The following MYH6 variants were observed in gnomAD, a reference collection of about 807,000 sequenced individuals.
MYH6 encodes the protein myosin heavy chain 6, also known as myosin-6.
MYH6 carries 126 observed loss-of-function variants against 223.2 expected under a neutral mutation model. The observed-to-expected ratio is 0.56, with a 90% CI of 0.49 to 0.65. MYH6 has a LOEUF of 0.65. Ranked by LOEUF, MYH6 falls within the 30% of genes least tolerant of loss-of-function variation. The pLI is 0.00. For missense variants in MYH6, 2,040 were observed against 2,536.4 expected, an observed-to-expected ratio of 0.80 and a Z score of 4.20; for synonymous variants, 978 against 1,010.2, an observed-to-expected ratio of 0.97 and a Z score of 0.61.
intron 14 of MYH6, chr14:23,399,909 C>A: frequency 2.7e-6 from 1 of 367,830 alleles, no homozygotes; most frequent in Non-Finnish European, 5.2e-6. Context: ...TCTCAACCAA[C>A]AGGAAGGTGG....
At chr14:23,393,973 G>T in intron 21 of MYH6, 65 bp from the exon 22 acceptor site, 2 of 1,613,830 alleles carry the variant, frequency 1.2e-6, no homozygotes, top group Non-Finnish European at 1.7e-6. Flanking sequence ...CTTAAAAAGA[G>T]CTGGCACTCC....
rs757460903 is a variant in MYH6, at chr14:23,386,598, T to C, written c.4676A>G (p.Lys1559Arg). 1.2e-6 allele frequency: 2 copies of C among 1,611,654 alleles called. No homozygotes were observed. Among genetic ancestry groups the C allele is most frequent in the Non-Finnish European group, 1.7e-6 (2 of 1,178,132 alleles). Residue 1559 changes from lysine to arginine, a missense_variant, in exon 33 of 39, where the codon AAG (lysine) becomes AGG (arginine). Lys to Arg is a conservative substitution (Grantham distance 26). Coordinates refer to ENST00000405093, the MANE Select transcript of MYH6 (RefSeq NM_002471.4). ...GAACTCTAGCTGGGCCCGGAGGATCTTGCCCTCCTCGTGCTCCAGGGAGGC... is the reference window on the plus strand; with the variant it reads ...GAACTCTAGCTGGGCCCGGAGGATCCTGCCCTCCTCGTGCTCCAGGGAGGC... ...AEASLEHEEG[K>R]ILRAQLEFNQ... is the part of the protein sequence containing the mutation.
At chr14:23,406,623 A>C (rs185272820) in intron 3 of MYH6, among the ~76,000 whole-genome samples, 20 of 152,336 alleles carry the variant, frequency 1.3e-4, no homozygotes, top group African/African-American at 4.6e-4. Context: ...TCTGGGTCTA[A>C]GAATTACTCT....
Position 23,392,959 on chromosome 14 carries a change from G to T in MYH6, c.3204C>A (p.Ile1068=). The T allele has an allele frequency of 6.2e-7, 1 of 1,614,180 alleles. No individual in the cohort carries two copies. The highest frequency in any genetic ancestry group is 8.5e-7 in the Non-Finnish European group (1 of 1,180,044). The change falls in exon 24 of 39, where the codon ATC becomes ATA. Residue 1068 remains isoleucine (I), a synonymous_variant. Transcript: ENST00000405093. ...EGDLKLTQES[I]MDLENDKLQL... is the part of the protein sequence containing the mutation. ...GCAGTTTATCATTTTCCAGGTCCAT[G>T]ATGCTCTCCTGGGTCAGCTTCAGGT...
At chr14:23,393,548 G>T in intron 22 of MYH6, 30 bp from the exon 23 acceptor site, 1 of 1,613,930 alleles carries the variant, frequency 6.2e-7, no homozygotes, top group African/African-American at 1.3e-5. Flanking sequence ...CCCCTTTAGG[G>T]TCAAAGATCA....
Position 23,403,793 on chromosome 14 carries a change from G to A in MYH6, c.736-15C>T. 6.2e-7 allele frequency: 1 copy of A among 1,604,938 alleles called. No individual in the cohort carries two copies. Among genetic ancestry groups the A allele is most frequent in the Non-Finnish European group, 8.5e-7 (1 of 1,174,488 alleles). Reference sequence around the variant, plus strand: ...ATGAATTTCCCCTGGGGACGAATGGGACAGAGTGAGGGAACTGGCGGGAAG... The same window carrying A: ...ATGAATTTCCCCTGGGGACGAATGGAACAGAGTGAGGGAACTGGCGGGAAG... On this transcript the variant is annotated splice_polypyrimidine_tract_variant and intron_variant, in intron 8 of 38. Transcript: ENST00000405093.
rs527501345 is a variant in MYH6, at chr14:23,400,990, G to A, written c.1142-13C>T. On this transcript the variant is annotated splice_polypyrimidine_tract_variant and intron_variant, in intron 12 of 38. Transcript: ENST00000405093. The stretch of plus-strand genomic sequence containing the variant: ...GACTTGTCAGCATCTGGTTGAGAGG[G>A]AAAGGATAAGTGAGCACTTCCTTTT... 1 of 1,613,910 alleles carries A rather than the reference G, an allele frequency of 6.2e-7. No homozygotes were observed. Among genetic ancestry groups the A allele is most frequent in the East Asian group, 2.2e-5 (1 of 44,872 alleles).
Position 23,383,327 on chromosome 14 carries a change from G to T in MYH6, c.5566-7C>A. ...TCTTTTTGTCTTCCTCTGTCTGGGG[G>T]TGGGAGGGTGGGAGAAGCTGGTTTG... On this transcript the variant is annotated splice_polypyrimidine_tract_variant and splice_region_variant and intron_variant, in intron 36 of 38. Transcript: ENST00000405093. 2 of 973,910 alleles carry T rather than the reference G, an allele frequency of 2.1e-6. No homozygotes were observed. 60.3% of individuals were successfully genotyped at this position (973,910 alleles called of 1,614,324 possible).
Position 23,387,893 on chromosome 14 carries a change from C to A in MYH6, c.4390G>T (p.Glu1464Ter), listed in dbSNP as rs373897096. The A allele has an allele frequency of 8.1e-6, 13 of 1,613,928 alleles. No individual in the cohort carries two copies. The African/African-American group carries it at 1.5e-4, about 18-fold the overall frequency. ...ILAEWKQKYE[E>*]SQSELESSQK... ...GAGGACTCCAGCTCAGACTGCGACTCCTCATACTTCTGCTTCCACTCGGCC... is the reference window on the plus strand; with the variant it reads ...GAGGACTCCAGCTCAGACTGCGACTACTCATACTTCTGCTTCCACTCGGCC... Residue 1464 changes from glutamate (E) to a stop codon, truncating the protein, a stop_gained, in exon 31 of 39, where the codon GAG becomes TAG. Coordinates refer to ENST00000405093, the MANE Select transcript of MYH6 (RefSeq NM_002471.4). LOFTEE classifies it high-confidence loss of function.
At chr14:23,404,469 C>T in intron 7 of MYH6, 81 bp from the exon 8 acceptor site, 2 of 1,541,190 alleles carry the variant, frequency 1.3e-6, no homozygotes, top group Non-Finnish European at 1.8e-6. Context: ...GCTGCCCTGG[C>T]CCTGAGGAAT....
chr14:23,400,069 G>C (rs1350146646), intron 14 of MYH6, 187 bp downstream of exon 14: 3 of 892,718 alleles, frequency 3.4e-6, no homozygotes, highest in South Asian at 1.6e-5. Context: ...AAAGTGCAAG[G>C]TCCTGGGAAA....
intron 28 of MYH6, 72 bp downstream of exon 28, chr14:23,389,321 C>T (rs1891152109): frequency 6.6e-7 from 1 of 1,524,226 alleles, no homozygotes; most frequent in African/African-American, 1.4e-5. Flanking sequence ...GCTCCAGGCT[C>T]CATTTCTGGC....
chr14:23,407,447 G>A lies in MYH6; in HGVS notation c.-14+129C>T. ...CAATCTCTGTAAGGGGTTTCCCTGG[G>A]GTGGCATTGGCTGGAGTATGCTAAG... On this transcript the variant is annotated intron_variant, in intron 2 of 38. Coordinates refer to ENST00000405093, the MANE Select transcript of MYH6 (RefSeq NM_002471.4). The surrounding 1 kb of genome is among the most constrained non-coding windows in gnomAD (Gnocchi z 5.6). 1 of 1,151,494 alleles carries A rather than the reference G, an allele frequency of 8.7e-7. No individual in the cohort carries two copies. The allele number at this position is 1,151,494 out of a possible 1,614,324, so 71.3% of individuals were successfully genotyped here.
chr14:23,400,762 G>A lies in MYH6; in HGVS notation c.1357C>T (p.Pro453Ser). ...AGGACTCCTATGAAGTACTGGCGTGGCTGCTTGGTCTCCAGGGTGGCGTTG... is the reference window on the plus strand; with the variant it reads ...AGGACTCCTATGAAGTACTGGCGTGACTGCTTGGTCTCCAGGGTGGCGTTG... ...RINATLETKQ[P>S]RQYFIGVLDI... is the part of the protein sequence containing the mutation. Residue 453 changes from proline (P) to serine (S), a missense_variant, in exon 13 of 39, where the codon CCA becomes TCA. Physicochemically the swap from Pro to Ser is moderately conservative, Grantham distance 74. Around this residue, in one of 4 missense-constraint regions of MYH6, gnomAD observed 649 missense variants for 877.3 expected, o/e 0.74. Coordinates refer to ENST00000405093, the MANE Select transcript of MYH6 (RefSeq NM_002471.4). 1.2e-6 allele frequency: 2 copies of A among 1,614,236 alleles called. No individual in the cohort carries two copies. The highest frequency in any genetic ancestry group is 1.7e-6 in the Non-Finnish European group (2 of 1,180,050).
At chr14:23,400,482 G>A in intron 13 of MYH6, 56 bp from the exon 14 acceptor site, 1 of 1,613,242 alleles carries the variant, frequency 6.2e-7, no homozygotes, top group East Asian at 2.2e-5. Context: ...GTGGCCATTG[G>A]GGCTGTGCCC....
At position 23,392,588 on chromosome 14, in the gene MYH6, G is replaced by T. The variant is rs1595055372; in HGVS notation, c.3316C>A (p.Leu1106Ile). ...IEDEQVLALQ[L>I]QKKLKENQAR... The stretch of plus-strand genomic sequence containing the variant: ...TGGTTTTCCTTCAGTTTCTTCTGTA[G>T]TTGAAGGGCCAGCACCTGCTCATCC... The change falls in exon 25 of 39, where the codon CTA (leucine) becomes ATA (isoleucine). Residue 1106 changes from leucine to isoleucine, a missense_variant. Leu to Ile is a conservative substitution (Grantham distance 5). Transcript: ENST00000405093. 3.8e-6 allele frequency: 6 copies of T among 1,575,086 alleles called. No homozygotes were observed. In the Admixed American group the frequency reaches 6.8e-5, roughly 18 times the overall value.
At chr14:23,402,342 C>G in intron 12 of MYH6, 122 bp downstream of exon 12, 1 of 1,476,958 alleles carries the variant, frequency 6.8e-7, no homozygotes, top group South Asian at 1.2e-5. Context: ...CGTCCCTGTC[C>G]CTCACCATCC....
At position 23,383,339 on chromosome 14, in the gene MYH6, G is replaced by GGGGGGGGGGGGGCCCCCCCCCC; in HGVS notation, c.5566-20_5566-19insGGGGGGGGGGCCCCCCCCCCCC. The GGGGGGGGGGGGGCCCCCCCCCC allele has an allele frequency of 3.7e-5, 4 of 108,162 alleles. No individual in the cohort carries two copies. Among genetic ancestry groups the GGGGGGGGGGGGGCCCCCCCCCC allele is most frequent in the East Asian group, 2.3e-4 (1 of 4,410 alleles). 6.7% of individuals were successfully genotyped at this position (108,162 alleles called of 1,614,324 possible). ...CCTCTGTCTGGGGGTGGGAGGGTGG[G>GGGGGGGGGGGGGCCCCCCCCCC]AGAAGCTGGTTTGGAGGGGGAGCAA... On this transcript the variant is annotated intron_variant, in intron 36 of 38. Coordinates refer to ENST00000405093, the MANE Select transcript of MYH6 (RefSeq NM_002471.4).
chr14:23,385,057 G>A lies in MYH6; in HGVS notation c.5164-16C>T. 6.2e-7 allele frequency: 1 copy of A among 1,613,962 alleles called. No individual in the cohort carries two copies. Among genetic ancestry groups the A allele is most frequent in the Non-Finnish European group, 8.5e-7 (1 of 1,179,936 alleles). ...GGCTGGTGTTCTAGACATGGAGAGA[G>A]AAAAATGATCAAATATATACTACAC... On this transcript the variant is annotated splice_polypyrimidine_tract_variant and intron_variant, in intron 34 of 38. Transcript: ENST00000405093.
Sources: gnomAD v4.1 joint callset for allele counts (sites outside exome capture counted in the v4.1 genomes callset) on GRCh38, gnomAD v4.1.1 for gene constraint, gnomAD v4.1.1 regional missense constraint, Gnocchi (gnomAD v3.1) non-coding constraint, MANE v1.5 for transcripts, NCBI Gene and HGNC (gene_info 2026-07-23, HGNC 2026-07-21) for gene names.